The following NTNG1 variants were observed in gnomAD, a reference collection of about 807,000 sequenced individuals.
The protein encoded by NTNG1 is netrin-G1.
NTNG1 carries 16 observed loss-of-function variants against 54.0 expected under a neutral mutation model. The ratio of observed to expected loss-of-function variants is 0.30; its 90% CI spans 0.20 to 0.45. NTNG1 has a LOEUF of 0.45. Ranked by LOEUF, NTNG1 falls within the 20% of genes least tolerant of loss-of-function variation. The probability of loss-of-function intolerance (pLI) is 1.00; values close to 1 mark genes in which losing one functional copy is unlikely to be tolerated. For synonymous variants in NTNG1, 255 were observed against 263.1 expected (o/e 0.97, Z 0.30); for missense variants, 530 against 678.7 (o/e 0.78, Z 2.43).
At chr1:107,451,566 C>G (rs1368862696) in intron 7 of NTNG1, among the ~76,000 whole-genome samples, 3 of 152,128 alleles carry the variant, frequency 2.0e-5, no homozygotes, top group Non-Finnish European at 4.4e-5. Context: ...TTGTAAAGTG[C>G]TGTCCTCCTA....
At chr1:107,306,750 C>CAAA (rs377083826) in intron 2 of NTNG1, among the ~76,000 whole-genome samples, 3 of 111,608 alleles carry the variant, frequency 2.7e-5, no homozygotes, top group African/African-American at 6.3e-5. Flanking sequence ...GACTCCATCG[C>CAAA]AAAAAAAAAA....
Position 107,377,015 on chromosome 1 carries a change from A to G in NTNG1, c.888-18139A>G, listed in dbSNP as rs143221359. Among the ~76,000 whole-genome samples the G allele has an allele frequency of 1.4e-3, 207 of 152,242 alleles. 4 individuals carry two copies. The highest frequency in any genetic ancestry group is 0.011 in the Admixed American group (167 of 15,302). Reference sequence around the variant, plus strand: ...GGGAGTTGCAGGTCTGCAAAGGGGGAGATTAAAGTGCCCTGAGCCTGATAT... The same window carrying G: ...GGGAGTTGCAGGTCTGCAAAGGGGGGGATTAAAGTGCCCTGAGCCTGATAT... On this transcript the variant is annotated intron_variant, in intron 3 of 7. Coordinates refer to ENST00000370068, the MANE Select transcript of NTNG1 (RefSeq NM_001113226.3).
chr1:107,377,385 T>G (rs1462665889), intron 3 of NTNG1, among the ~76,000 whole-genome samples: 1 of 152,146 alleles, frequency 6.6e-6, no homozygotes, highest in African/African-American at 2.4e-5. Context: ...CCCACCTAAT[T>G]TCCTGCCTGA....
intron 5 of NTNG1, among the ~76,000 whole-genome samples, chr1:107,428,239 A>G (rs1217423612): frequency 6.6e-6 from 1 of 152,084 alleles, no homozygotes; most frequent in Non-Finnish European, 1.5e-5. Context: ...AATAAACTCT[A>G]CCTGCCCTGA....
Position 107,240,251 on chromosome 1 carries a change from A to T in NTNG1, c.247-84031A>T, listed in dbSNP as rs982207398. 2.0e-5 allele frequency among the ~76,000 whole-genome samples: 3 copies of T among 151,698 alleles called. No homozygotes were observed. The East Asian group carries it at 5.8e-4, about 29-fold the overall frequency. ...CCAACAAACAGTTTTAGGGATGTTT[A>T]TCCCTTTTGAGTGGAATATCCTTAT... On this transcript the variant is annotated intron_variant, in intron 2 of 7. Transcript: ENST00000370068.
At chr1:107,394,249 T>A (rs1386585122) in intron 3 of NTNG1, among the ~76,000 whole-genome samples, 9 of 152,196 alleles carry the variant, frequency 5.9e-5, no homozygotes, top group Non-Finnish European at 4.4e-5. Context: ...GTTTATATCC[T>A]GCTGCCTCAA....
chr1:107,338,713 A>G (rs1344424115), intron 3 of NTNG1, among the ~76,000 whole-genome samples: 4 of 151,958 alleles, frequency 2.6e-5, no homozygotes, highest in Admixed American at 1.3e-4. Context: ...CCGGTTCACA[A>G]CAACTACAAA....
chr1:107,441,599 C>A (rs554620995), intron 7 of NTNG1, among the ~76,000 whole-genome samples: 1 of 152,134 alleles, frequency 6.6e-6, no homozygotes, highest in South Asian at 2.1e-4. Context: ...ATAGATTGGG[C>A]CCACACATGT....
chr1:107,361,064 A>G (rs1570762916), intron 3 of NTNG1, among the ~76,000 whole-genome samples: 1 of 148,702 alleles, frequency 6.7e-6, no homozygotes, highest in East Asian at 1.9e-4. Context: ...ATAGCTCCAA[A>G]AAAAAGGCAA....
chr1:107,402,105 C>A (rs1673078390), intron 4 of NTNG1, among the ~76,000 whole-genome samples: 1 of 152,118 alleles, frequency 6.6e-6, no homozygotes, highest in Non-Finnish European at 1.5e-5. Context: ...GTCTATTCAA[C>A]CACAATATGA....
At chr1:107,303,806 T>C (rs1284218125) in intron 2 of NTNG1, among the ~76,000 whole-genome samples, 1 of 151,926 alleles carries the variant, frequency 6.6e-6, no homozygotes, top group African/African-American at 2.4e-5. Context: ...CCTGCCTCAG[T>C]CTCCGGAGTA....
intron 2 of NTNG1, among the ~76,000 whole-genome samples, chr1:107,210,444 G>A (rs1017971512): frequency 5.3e-5 from 8 of 152,136 alleles, no homozygotes; most frequent in African/African-American, 1.2e-4. Flanking sequence ...CAGACCTTGG[G>A]CCACTCGAGG....
intron 1 of NTNG1, among the ~76,000 whole-genome samples, chr1:107,146,866 A>C (rs781004613): frequency 5.3e-5 from 8 of 152,078 alleles, no homozygotes; most frequent in Non-Finnish European, 1.2e-4. Context: ...AATATAATGA[A>C]TTCCCTTTAT....
chr1:107,249,574 G>A (rs1347061802), intron 2 of NTNG1, among the ~76,000 whole-genome samples: 2 of 151,794 alleles, frequency 1.3e-5, no homozygotes, highest in Non-Finnish European at 2.9e-5. Context: ...TTTCCTAGAA[G>A]TTCCCCAAAT....
chr1:107,317,218 A>C (rs1203751332), intron 2 of NTNG1, among the ~76,000 whole-genome samples: 1 of 152,176 alleles, frequency 6.6e-6, no homozygotes, highest in African/African-American at 2.4e-5. Flanking sequence ...ATGATATTTT[A>C]ACTCCCCTTG....
chr1:107,305,745 T>G (rs1407314738), intron 2 of NTNG1, among the ~76,000 whole-genome samples: 1 of 152,188 alleles, frequency 6.6e-6, no homozygotes, highest in Non-Finnish European at 1.5e-5. Flanking sequence ...TTTAGTTTAA[T>G]TAGATCCCAT....
chr1:107,404,311 T>C (rs917051238), intron 4 of NTNG1, among the ~76,000 whole-genome samples: 15 of 151,956 alleles, frequency 9.9e-5, no homozygotes, highest in Non-Finnish European at 1.5e-5. Flanking sequence ...TGCTAAACAG[T>C]TTCCCCAGCT....
chr1:107,141,390 G>C (rs1327300250), intron 1 of NTNG1: 1 of 149,860 alleles, frequency 6.7e-6, no homozygotes, highest in East Asian at 2.0e-4. Flanking sequence ...GACCAGGCTG[G>C]CTGCGCAGGG....
At chr1:107,300,432 A>T (rs1429725367) in intron 2 of NTNG1, among the ~76,000 whole-genome samples, 2 of 152,172 alleles carry the variant, frequency 1.3e-5, no homozygotes, top group African/African-American at 4.8e-5. Context: ...TCCCTAATCT[A>T]GTTCCCCAGT....
Sources: gnomAD v4.1 joint callset for allele counts (sites outside exome capture counted in the v4.1 genomes callset) on GRCh38, gnomAD v4.1.1 for gene constraint, MANE v1.5 for transcripts, NCBI Gene and HGNC (gene_info 2026-07-23, HGNC 2026-07-21) for gene names.